BRD4: variants seen among roughly 807,000 people sequenced by gnomAD.
BRD4 encodes bromodomain-containing protein 4.
A neutral mutation model predicts 142.1 loss-of-function variants in BRD4; 16 were observed. The observed-to-expected ratio is 0.11, with a 90% CI of 0.08 to 0.17. BRD4 has a LOEUF of 0.17. BRD4 is among the 10% of genes least tolerant of loss of function. The pLI is 1.00. For synonymous variants in BRD4, 833 were observed against 707.5 expected (o/e 1.18, Z -2.82); for missense variants, 1,424 against 1,810.9 (o/e 0.79, Z 3.88).
intron 7 of BRD4, among the ~76,000 whole-genome samples, chr19:15,261,359 T>G (rs972206455): frequency 2.0e-5 from 3 of 152,132 alleles, no homozygotes; most frequent in Non-Finnish European, 4.4e-5. Context: ...GGCGTGCGCC[T>G]GTAATCCCAG....
chr19:15,254,400 C>T lies in BRD4; in HGVS notation c.2048-138G>A, dbSNP rs113533722. On this transcript the variant is annotated intron_variant, in intron 10 of 19. Coordinates refer to ENST00000679869, the MANE Select transcript of BRD4 (RefSeq NM_001379291.1). ...CGGTGGGCCCAGGGGCTGCTCCCAACTGCCAGCTGCCACTCCCAGAACCCA... is the reference window on the plus strand; with the variant it reads ...CGGTGGGCCCAGGGGCTGCTCCCAATTGCCAGCTGCCACTCCCAGAACCCA... The T allele has an allele frequency of 4.4e-6, 3 of 682,802 alleles. No homozygotes were observed. The South Asian group carries it at 5.2e-5, about 12-fold the overall frequency. 42.3% of individuals were successfully genotyped at this position (682,802 alleles called of 1,614,324 possible).
At chr19:15,252,173 G>A (rs1290791017) in intron 11 of BRD4, among the ~76,000 whole-genome samples, 2 of 152,302 alleles carry the variant, frequency 1.3e-5, no homozygotes, top group East Asian at 1.9e-4. Context: ...AAGCAGAGGA[G>A]CCCAGAAGAG....
intron 1 of BRD4, among the ~76,000 whole-genome samples, chr19:15,309,270 T>C (rs1323979198): frequency 6.8e-6 from 1 of 146,712 alleles, no homozygotes; most frequent in Non-Finnish European, 1.5e-5. Flanking sequence ...GAGGTGGAGC[T>C]TGCAGTGAGC....
At chr19:15,249,238 C>G (rs2047318877) in intron 11 of BRD4, 1 of 1,613,824 alleles carries the variant, frequency 6.2e-7, no homozygotes, top group African/African-American at 1.3e-5. Flanking sequence ...GGGAAGGAAT[C>G]TGGAACTGAA....
At chr19:15,312,668 G>A (rs2047982094) in intron 1 of BRD4, among the ~76,000 whole-genome samples, 1 of 151,812 alleles carries the variant, frequency 6.6e-6, no homozygotes, top group African/African-American at 2.4e-5. Flanking sequence ...GTGCACGGTG[G>A]CTCACATCTG....
chr19:15,279,282 G>C (rs975692037), intron 1 of BRD4, among the ~76,000 whole-genome samples: 8 of 152,132 alleles, frequency 5.3e-5, no homozygotes, highest in Non-Finnish European at 1.2e-4. Flanking sequence ...CTGTTTCCTT[G>C]GACTAACTTT....
At chr19:15,270,758 G>T (rs1180575745) in intron 2 of BRD4, among the ~76,000 whole-genome samples, 1 of 152,150 alleles carries the variant, frequency 6.6e-6, no homozygotes, top group African/African-American at 2.4e-5. Flanking sequence ...ATCTCCTGAA[G>T]AAGGAAGTCC....
intron 1 of BRD4, among the ~76,000 whole-genome samples, chr19:15,306,655 C>T (rs2047916787): frequency 1.3e-5 from 2 of 152,230 alleles, no homozygotes; most frequent in South Asian, 4.1e-4. Context: ...GGGTTATTAA[C>T]CGGCCTAATT....
rs749399854 is a variant in BRD4 at position 15,263,453 on chromosome 19, G to A, written c.1308C>T (p.Asp436=). Residue 436 remains aspartate (D), a synonymous_variant, in exon 7 of 20, where the codon GAC becomes GAT. Coordinates refer to ENST00000679869, the MANE Select transcript of BRD4 (RefSeq NM_001379291.1). ...TGCGGGCCATGGCCACCACCTCATG[G>A]TCAGGAGGGTTGTACTTATAGCAGT... is the stretch of plus-strand genomic sequence containing the variant. The part of the protein sequence containing the change: ...FSNCYKYNPP[D]HEVVAMARKL... 1.2e-6 allele frequency: 2 copies of A among 1,614,182 alleles called. No homozygotes were observed. Among genetic ancestry groups the A allele is most frequent in the African/African-American group, 1.3e-5 (1 of 75,052 alleles).
In BRD4 at chr19:15,243,445, T is replaced by C. The variant is rs1429268350; in HGVS notation, c.2624A>G (p.Asn875Ser). ...ALPQQPSRPSNRAAALPPKPA... is the reference protein window; with the variant it reads ...ALPQQPSRPSSRAAALPPKPA... ...CTTGGGAGGCAGGGCAGCGGCTCGG[T>C]TGCTGGGCCGTGATGGCTGCTGGGG... The change falls in exon 14 of 20, where the codon AAC becomes AGC. Residue 875 changes from asparagine (N) to serine (S), a missense_variant. Physicochemically the swap from Asn to Ser is conservative, Grantham distance 46. This residue lies in a region of BRD4 where 598 missense variants were observed against 647.8 expected (regional missense o/e 0.92). Transcript: ENST00000679869. 2 of 1,573,838 alleles carry C rather than the reference T, an allele frequency of 1.3e-6. No individual in the cohort carries two copies. The highest frequency in any genetic ancestry group is 1.8e-5 in the Admixed American group (1 of 55,184).
rs775138875 is a variant in BRD4 at position 15,239,177 on chromosome 19, C to G, written c.3664G>C (p.Asp1222His). Residue 1222 changes from aspartate (D) to histidine (H), a missense_variant, in exon 18 of 20, where the codon GAC becomes CAC. This residue lies in a region of BRD4 where 49 missense variants were observed against 97.3 expected (regional missense o/e 0.50). Transcript: ENST00000679869. This position sits in a 1 kb window ranked among gnomAD's most constrained non-coding sequence, Gnocchi z 7.4. ...TPSSTAKSSS[D>H]SFEQFRRAAR... ...GCGCGGCGGAACTGCTCGAAGCTGT[C>G]GCTGGATGACTTGGCTGTGGAGGAG... 6.2e-7 allele frequency: 1 copy of G among 1,612,954 alleles called. No homozygotes were observed. The highest frequency in any genetic ancestry group is 8.5e-7 in the Non-Finnish European group (1 of 1,180,028).
chr19:15,237,108 GC>G lies in BRD4; in HGVS notation c.*1268del. Reference sequence around the variant, plus strand: ...GGGAGTCTCTGCCTTAGTCTGTGGCGCCCCCAGGGCCCGGTTCCCACCTCAT... The same window carrying G: ...GGGAGTCTCTGCCTTAGTCTGTGGCGCCCCAGGGCCCGGTTCCCACCTCAT... On this transcript the variant is annotated 3_prime_UTR_variant, in exon 20 of 20. Coordinates refer to ENST00000679869, the MANE Select transcript of BRD4 (RefSeq NM_001379291.1). 1 of 208,572 alleles carries G rather than the reference GC, an allele frequency of 4.8e-6. No individual in the cohort carries two copies. 12.9% of individuals were successfully genotyped at this position (208,572 alleles called of 1,614,324 possible).
At chr19:15,305,664 T>A (rs530560502) in intron 1 of BRD4, among the ~76,000 whole-genome samples, 1 of 152,300 alleles carries the variant, frequency 6.6e-6, no homozygotes, top group South Asian at 2.1e-4. Context: ...TTAAGGTCCT[T>A]GGATATTCAG....
intron 1 of BRD4, among the ~76,000 whole-genome samples, chr19:15,282,443 C>G (rs2047712151): frequency 6.6e-6 from 1 of 152,200 alleles, no homozygotes; most frequent in African/African-American, 2.4e-5. Flanking sequence ...CCTACTTACA[C>G]TGAAAACCAA....
At chr19:15,297,443 G>A (rs934695302) in intron 1 of BRD4, among the ~76,000 whole-genome samples, 1 of 152,138 alleles carries the variant, frequency 6.6e-6, no homozygotes, top group Non-Finnish European at 1.5e-5. Context: ...CACTGCCACC[G>A]AACCCCCCCA....
intron 1 of BRD4, among the ~76,000 whole-genome samples, chr19:15,311,719 T>C (rs2047972833): frequency 6.6e-6 from 1 of 151,766 alleles, no homozygotes; most frequent in Non-Finnish European, 1.5e-5. Flanking sequence ...GGAGAATCAC[T>C]TGAACCCGGG....
chr19:15,304,320 C>T (rs2047895662), intron 1 of BRD4, among the ~76,000 whole-genome samples: 1 of 152,176 alleles, frequency 6.6e-6, no homozygotes, highest in Non-Finnish European at 1.5e-5. Flanking sequence ...TCACTCAGTG[C>T]CTCGAGGCTC....
chr19:15,262,819 G>T (rs1043730009), intron 7 of BRD4, among the ~76,000 whole-genome samples: 1 of 152,128 alleles, frequency 6.6e-6, no homozygotes, highest in Non-Finnish European at 1.5e-5. Flanking sequence ...ATTATTCAAA[G>T]AAAGTCATTT....
At chr19:15,287,714 T>C (rs1172752332) in intron 1 of BRD4, among the ~76,000 whole-genome samples, 7 of 152,190 alleles carry the variant, frequency 4.6e-5, no homozygotes, top group East Asian at 1.9e-4. Context: ...CTTTTTGTGG[T>C]TGTCGTATTT....
Sources: allele counts gnomAD v4.1 joint callset (sites outside exome capture counted in the v4.1 genomes callset), GRCh38; gene constraint gnomAD v4.1.1; regional missense constraint gnomAD v4.1.1; non-coding constraint Gnocchi (gnomAD v3.1); transcripts MANE v1.5; gene names NCBI Gene and HGNC (gene_info 2026-07-23, HGNC 2026-07-21).